Variants in CTIF observed in about 807,000 individuals in gnomAD.
CTIF encodes cap binding complex dependent translation initiation factor, also known as CBP80/20-dependent translation initiation factor.
A neutral mutation model predicts 66.0 loss-of-function variants in CTIF; 21 were observed. The observed-to-expected ratio is 0.32, with a 90% confidence interval of 0.23 to 0.46. The LOEUF is 0.46. Among genes scored for constraint, CTIF ranks in the 20% least tolerant of loss-of-function variants. The probability of loss-of-function intolerance (pLI) is 1.00; values close to 1 mark genes in which losing one functional copy is unlikely to be tolerated. For missense variants in CTIF, 739 were observed against 812.7 expected (o/e 0.91, Z 1.10); for synonymous variants, 345 against 326.4 (o/e 1.06, Z -0.62).
chr18:48,829,903 T>C (rs531761014), intron 10 of CTIF, among the ~76,000 whole-genome samples: 54 of 152,332 alleles, frequency 3.5e-4, no homozygotes, highest in African/African-American at 1.2e-3. Flanking sequence ...GAACTAACTT[T>C]TCTCCTCCCT....
chr18:48,638,037 C>T (rs534378377), intron 3 of CTIF, among the ~76,000 whole-genome samples: 36 of 152,214 alleles, frequency 2.4e-4, no homozygotes, highest in African/African-American at 8.4e-4. Context: ...TGCCCAACTG[C>T]AGGAGGTGGC....
intron 6 of CTIF, among the ~76,000 whole-genome samples, chr18:48,696,831 C>G (rs1598888528): frequency 6.6e-6 from 1 of 152,346 alleles, no homozygotes; most frequent in South Asian, 2.1e-4. Context: ...TTGTTACACA[C>G]AGGGGGCCTG....
chr18:48,820,379 A>G (rs962942108), intron 10 of CTIF, among the ~76,000 whole-genome samples: 2 of 152,136 alleles, frequency 1.3e-5, no homozygotes, highest in Non-Finnish European at 2.9e-5. Context: ...TCCAGAGCCA[A>G]AGGCACAGCT....
intron 7 of CTIF, among the ~76,000 whole-genome samples, chr18:48,716,944 T>C (rs550702677): frequency 2.5e-4 from 38 of 152,282 alleles, no homozygotes; most frequent in African/African-American, 8.4e-4. Flanking sequence ...GTCAGATGGC[T>C]CCGCAGGACT....
intron 1 of CTIF, among the ~76,000 whole-genome samples, chr18:48,541,416 G>A (rs998425982): frequency 1.8e-4 from 28 of 152,206 alleles, no homozygotes; most frequent in Non-Finnish European, 3.7e-4. Context: ...CCGAGAGGAA[G>A]GAGCCGCCCA....
intron 4 of CTIF, 22 bp from the exon 5 acceptor site, chr18:48,664,425 C>G: frequency 6.2e-7 from 1 of 1,604,180 alleles, no homozygotes; most frequent in Non-Finnish European, 8.5e-7. Context: ...GCCTCCGTTT[C>G]TCACCCTCCC....
At chr18:48,729,632 G>A (rs973790258) in intron 7 of CTIF, among the ~76,000 whole-genome samples, 8 of 152,298 alleles carry the variant, frequency 5.3e-5, no homozygotes, top group South Asian at 2.1e-4. Flanking sequence ...ACATCCAGAC[G>A]TCTGGATTCT....
In CTIF at chr18:48,573,748, C is replaced by T. The variant is rs139226431; in HGVS notation, c.-29+34436C>T. Among the ~76,000 whole-genome samples the T allele has an allele frequency of 5.1e-4, 77 of 152,260 alleles. No homozygotes were observed. In the East Asian group the frequency reaches 9.3e-3, roughly 18 times the overall value. The stretch of plus-strand genomic sequence containing the variant: ...GAGGGGTGTGGTTAGGTCAGGTCAG[C>T]GGACAAGGGCCATATCCAGCCACCC... On this transcript the variant is annotated intron_variant, in intron 1 of 11. Coordinates refer to ENST00000256413, the MANE Select transcript of CTIF (RefSeq NM_014772.3).
chr18:48,742,867 TGG>T (rs2092566772), intron 7 of CTIF, among the ~76,000 whole-genome samples: 1 of 152,166 alleles, frequency 6.6e-6, no homozygotes, highest in Non-Finnish European at 1.5e-5. Flanking sequence ...CCTATGGTCA[TGG>T]GGTGAGCATC....
chr18:48,815,019 A>G (rs111277556), intron 9 of CTIF, among the ~76,000 whole-genome samples: 6 of 152,354 alleles, frequency 3.9e-5, no homozygotes, highest in African/African-American at 1.4e-4. Context: ...GGCTTCGTGG[A>G]AAGTACAGAC....
At chr18:48,733,857 T>A (rs35997409) in intron 7 of CTIF, among the ~76,000 whole-genome samples, 21,593 of 152,220 alleles carry the variant, frequency 0.14, 1,716 homozygotes, top group South Asian at 0.2. Flanking sequence ...CTGGAAATCA[T>A]AACTAAGCCC....
At chr18:48,549,574 T>C (rs2088835166) in intron 1 of CTIF, among the ~76,000 whole-genome samples, 1 of 152,198 alleles carries the variant, frequency 6.6e-6, no homozygotes, top group Non-Finnish European at 1.5e-5. Flanking sequence ...AGTCCCCTTA[T>C]GGTCATAGCA....
chr18:48,741,589 A>AT (rs1364188427), intron 7 of CTIF, among the ~76,000 whole-genome samples: 1 of 151,656 alleles, frequency 6.6e-6, no homozygotes, highest in African/African-American at 2.4e-5. Flanking sequence ...TGCCTGGCTA[A>AT]TTTTTTTGTA....
intron 9 of CTIF, among the ~76,000 whole-genome samples, chr18:48,781,706 C>G (rs978564279): frequency 2.0e-5 from 3 of 152,058 alleles, no homozygotes; most frequent in African/African-American, 7.2e-5. Flanking sequence ...TCCTCTCCCC[C>G]TTGTCAAACA....
intron 6 of CTIF, among the ~76,000 whole-genome samples, chr18:48,700,092 G>A (rs780029852): frequency 2.6e-5 from 4 of 152,208 alleles, no homozygotes; most frequent in Non-Finnish European, 5.9e-5. Context: ...TAATTGCCAC[G>A]TGTCAAGGGC....
chr18:48,795,247 G>T (rs1317035599), intron 9 of CTIF, among the ~76,000 whole-genome samples: 1 of 152,138 alleles, frequency 6.6e-6, no homozygotes, highest in Non-Finnish European at 1.5e-5. Context: ...CATTTCAAGA[G>T]CCCCCATAAC....
rs1244578219 is a variant in CTIF, at chr18:48,783,823, C to T, written c.1371+22134C>T. Among the ~76,000 whole-genome samples, 5 of 152,264 alleles carry T rather than the reference C, an allele frequency of 3.3e-5. No homozygotes were observed. In the East Asian group the frequency reaches 7.7e-4, roughly 23 times the overall value. On this transcript the variant is annotated intron_variant, in intron 9 of 11. Transcript: ENST00000256413. The stretch of plus-strand genomic sequence containing the variant: ...CTGCCTCCAGGCAAGCGCTGCCTGC[C>T]GACCACCGCCCTCTGACCCCAGTCC...
chr18:48,745,131 C>CAGTT (rs1598966462), intron 7 of CTIF, among the ~76,000 whole-genome samples: 1 of 152,274 alleles, frequency 6.6e-6, no homozygotes, highest in East Asian at 1.9e-4. Flanking sequence ...CAACCTGGGG[C>CAGTT]AGTTCTTAAG....
intron 9 of CTIF, among the ~76,000 whole-genome samples, chr18:48,779,328 A>G (rs1438613312): frequency 6.6e-6 from 1 of 152,180 alleles, no homozygotes; most frequent in Non-Finnish European, 1.5e-5. Context: ...CATTTTATAC[A>G]TGGGGAAAGA....
Sources: allele counts gnomAD v4.1 joint callset (sites outside exome capture counted in the v4.1 genomes callset), GRCh38; gene constraint gnomAD v4.1.1; transcripts MANE v1.5; gene names NCBI Gene and HGNC (gene_info 2026-07-23, HGNC 2026-07-21).